The following SUPT3H variants were observed in gnomAD, a reference collection of about 807,000 sequenced individuals.
SUPT3H encodes the protein transcription initiation protein SPT3 homolog.
SUPT3H carries 44 observed loss-of-function variants against 44.3 expected under a neutral mutation model. That is an observed-to-expected ratio of 0.99 (90% CI 0.78 to 1.28). The LOEUF (loss-of-function observed/expected upper bound fraction) is 1.28. Among genes scored for constraint, SUPT3H ranks in the 50% most tolerant of loss-of-function variants. The probability of loss-of-function intolerance (pLI) is 0.00; values close to 1 mark genes in which losing one functional copy is unlikely to be tolerated. For missense variants in SUPT3H, 380 were observed against 387.1 expected (o/e 0.98, Z 0.15); for synonymous variants, 124 against 125.6 (o/e 0.99, Z 0.09).
At chr6:45,225,202 C>G (rs778589525) in intron 2 of SUPT3H, among the ~76,000 whole-genome samples, 1 of 151,350 alleles carries the variant, frequency 6.6e-6, no homozygotes, top group Non-Finnish European at 1.5e-5. Flanking sequence ...TCGCTTGAAC[C>G]TCGGAGGTGG....
At chr6:44,887,257 A>C (rs1033235311) in intron 10 of SUPT3H, among the ~76,000 whole-genome samples, 9 of 152,212 alleles carry the variant, frequency 5.9e-5, no homozygotes, top group African/African-American at 1.9e-4. Flanking sequence ...TCAGCTCTGC[A>C]CCAAGCTGAC....
At chr6:45,119,635 A>G (rs1801324168) in intron 2 of SUPT3H, among the ~76,000 whole-genome samples, 1 of 152,184 alleles carries the variant, frequency 6.6e-6, no homozygotes, top group Non-Finnish European at 1.5e-5. Context: ...TTAACAGGAA[A>G]GAGTCAATAA....
chr6:44,971,849 T>C lies in SUPT3H; in HGVS notation c.505-10021A>G, dbSNP rs1005568203. On this transcript the variant is annotated intron_variant, in intron 6 of 10. Coordinates refer to ENST00000371459, the MANE Select transcript of SUPT3H (RefSeq NM_003599.4). ...GTGCAGTGGTGCAATCTCGGCTCACTGCAAGCTCCGCCTCCTGGGTTCATG... is the reference window on the plus strand; with the variant it reads ...GTGCAGTGGTGCAATCTCGGCTCACCGCAAGCTCCGCCTCCTGGGTTCATG... 7.2e-4 allele frequency among the ~76,000 whole-genome samples: 109 copies of C among 152,108 alleles called. 1 individual carries two copies. Among genetic ancestry groups the C allele is most frequent in the East Asian group, 3.9e-4 (2 of 5,170 alleles).
intron 2 of SUPT3H, among the ~76,000 whole-genome samples, chr6:45,160,095 T>G (rs1808689611): frequency 6.6e-6 from 1 of 152,192 alleles, no homozygotes; most frequent in Non-Finnish European, 1.5e-5. Context: ...AGCATGTACC[T>G]CTCAAATGGT....
chr6:44,975,304 T>C (rs1011271513), intron 6 of SUPT3H, among the ~76,000 whole-genome samples: 2 of 152,204 alleles, frequency 1.3e-5, no homozygotes, highest in African/African-American at 2.4e-5. Context: ...ACCATAAGTA[T>C]TCTAACTAAC....
At chr6:45,034,518 T>C (rs566788308) in intron 3 of SUPT3H, among the ~76,000 whole-genome samples, 212 of 152,350 alleles carry the variant, frequency 1.4e-3, no homozygotes, top group Non-Finnish European at 2.3e-3. Context: ...AGAATGTTTT[T>C]AGTCCTCTTT....
chr6:44,972,947 C>A (rs964462834), intron 6 of SUPT3H, among the ~76,000 whole-genome samples: 1 of 152,132 alleles, frequency 6.6e-6, no homozygotes, highest in Non-Finnish European at 1.5e-5. Context: ...GAGGGGTTGC[C>A]GTGAAGACCT....
intron 2 of SUPT3H, among the ~76,000 whole-genome samples, chr6:45,264,865 C>G (rs1774998462): frequency 6.6e-6 from 1 of 151,898 alleles, no homozygotes; most frequent in South Asian, 2.1e-4. Context: ...ATTTAGAAAA[C>G]ATGAGAACTA....
chr6:45,121,394 C>G (rs1801635166), intron 2 of SUPT3H, among the ~76,000 whole-genome samples: 1 of 152,028 alleles, frequency 6.6e-6, no homozygotes, highest in Non-Finnish European at 1.5e-5. Flanking sequence ...CAAATGTAAA[C>G]AATTTGACTT....
At chr6:45,106,806 G>T (rs1350501040) in intron 2 of SUPT3H, among the ~76,000 whole-genome samples, 1 of 152,172 alleles carries the variant, frequency 6.6e-6, no homozygotes, top group African/African-American at 2.4e-5. Context: ...AAAGTCCTGG[G>T]ATTACAGGCA....
At chr6:44,884,839 G>A (rs977455081) in intron 10 of SUPT3H, among the ~76,000 whole-genome samples, 2 of 152,162 alleles carry the variant, frequency 1.3e-5, no homozygotes, top group Non-Finnish European at 2.9e-5. Context: ...AGTGCAAGGG[G>A]TCAGGGAGTT....
At chr6:45,305,762 C>A (rs1468273183) in intron 2 of SUPT3H, among the ~76,000 whole-genome samples, 1 of 152,202 alleles carries the variant, frequency 6.6e-6, no homozygotes, top group Non-Finnish European at 1.5e-5. Flanking sequence ...CCTGCCCCAA[C>A]CCCAGAACTG....
intron 10 of SUPT3H, among the ~76,000 whole-genome samples, chr6:44,913,427 T>C (rs1328410039): frequency 2.0e-5 from 3 of 152,188 alleles, no homozygotes; most frequent in Non-Finnish European, 4.4e-5. Flanking sequence ...TTTAGCCATA[T>C]AGCACAAAAT....
At chr6:45,248,734 G>A (rs1189416380) in intron 2 of SUPT3H, among the ~76,000 whole-genome samples, 2 of 152,020 alleles carry the variant, frequency 1.3e-5, no homozygotes, top group East Asian at 3.9e-4. Context: ...GGTCAACATG[G>A]TGAAACCCAG....
chr6:44,927,729 T>A (rs1040848905), intron 10 of SUPT3H, among the ~76,000 whole-genome samples: 18 of 152,218 alleles, frequency 1.2e-4, no homozygotes, highest in African/African-American at 4.1e-4. Context: ...AAATGAATAT[T>A]TTCAGGAACA....
At chr6:44,956,354 C>A (rs974895503) in intron 7 of SUPT3H, among the ~76,000 whole-genome samples, 8 of 138,234 alleles carry the variant, frequency 5.8e-5, no homozygotes, top group African/African-American at 2.2e-4. Flanking sequence ...CGTGGTGGTG[C>A]GTGCCTGTAG....
chr6:45,088,191 A>C (rs961974830), intron 3 of SUPT3H, among the ~76,000 whole-genome samples: 6 of 152,204 alleles, frequency 3.9e-5, no homozygotes, highest in African/African-American at 1.4e-4. Flanking sequence ...TGTTTAATAA[A>C]TTATCTAAAC....
chr6:45,084,548 C>T (rs768590372), intron 3 of SUPT3H, among the ~76,000 whole-genome samples: 15 of 152,166 alleles, frequency 9.9e-5, no homozygotes, highest in African/African-American at 1.4e-4. Flanking sequence ...CTGTGGAAAG[C>T]AGTTTGGAGA....
intron 10 of SUPT3H, among the ~76,000 whole-genome samples, chr6:44,927,442 AT>A (rs1414332423): frequency 6.6e-6 from 1 of 152,224 alleles, no homozygotes; most frequent in Non-Finnish European, 1.5e-5. Flanking sequence ...TAATTAAAAA[AT>A]GTATCAACTT....
Sources: allele counts gnomAD v4.1 joint callset (sites outside exome capture counted in the v4.1 genomes callset), GRCh38; gene constraint gnomAD v4.1.1; transcripts MANE v1.5; gene names NCBI Gene and HGNC (gene_info 2026-07-23, HGNC 2026-07-21).